The following ZNF254 variants were observed in gnomAD, a reference collection of about 807,000 sequenced individuals.
ZNF254 encodes zinc finger protein 254, also known as CTD-2017D11.1.
In ZNF254, 10 loss-of-function variants were observed where a neutral mutation model predicts 12.4. The ratio of observed to expected loss-of-function variants is 0.80; its 90% confidence interval spans 0.50 to 1.36. The LOEUF (loss-of-function observed/expected upper bound fraction) is 1.36, where lower values mean the gene tolerates loss of function less well. Ranked by LOEUF, ZNF254 falls within the 40% of genes most tolerant of loss-of-function variation. The probability of loss-of-function intolerance (pLI) is 0.00; values close to 1 mark genes in which losing one functional copy is unlikely to be tolerated. For missense variants in ZNF254, 996 were observed against 763.9 expected, an observed-to-expected ratio of 1.30 and a Z score of -3.58; for synonymous variants, 305 against 253.4, an observed-to-expected ratio of 1.20 and a Z score of -1.93.
In ZNF254 at chr19:24,034,488, G is replaced by GTTTTTTTTT. The variant is rs963358053; in HGVS notation, c.-190+881_-190+889dup. On this transcript the variant is annotated intron_variant, in intron 1 of 4. Transcript: ENST00000613065. The stretch of plus-strand genomic sequence containing the variant: ...GACAAATTTAGATTTAGGTAAGTGG[G>GTTTTTTTTT]TTTTTTTTTTTTTTTTTTTTTTCTT... Among the ~76,000 whole-genome samples the GTTTTTTTTT allele has an allele frequency of 7.5e-4, 80 of 107,352 alleles. 1 individual carries two copies. Among genetic ancestry groups the GTTTTTTTTT allele is most frequent in the African/African-American group, 1.1e-3 (30 of 28,274 alleles). 70.4% of individuals were successfully genotyped at this position (107,352 alleles called of 152,430 possible). A position where few individuals can be genotyped will look rare whatever the true frequency, so the allele number is the denominator to read the frequency against.
chr19:24,067,001 G>A (rs1971299976), intron 2 of ZNF254: 1 of 152,160 alleles, frequency 6.6e-6, no homozygotes, highest in African/African-American at 2.4e-5. Context: ...CCCCCAGGAA[G>A]AATTGTGACC....
At chr19:24,059,528 C>T (rs1418909665) in intron 2 of ZNF254, among the ~76,000 whole-genome samples, 1 of 152,136 alleles carries the variant, frequency 6.6e-6, no homozygotes, top group Non-Finnish European at 1.5e-5. Context: ...TGACTCTCCT[C>T]TACTGCTTGG....
Position 24,127,704 on chromosome 19 carries a change from TA to T in ZNF254, c.1705del (p.Thr569LeufsTer26). 2 of 1,613,172 alleles carry T rather than the reference TA, an allele frequency of 1.2e-6. No individual in the cohort carries two copies. The highest frequency in any genetic ancestry group is 2.2e-5 in the South Asian group (2 of 91,032). ...TCCTTACTAACCATAAGAGAATTCATACTGGAGAGAAACCCTATAAATGTGA... is the reference window on the plus strand; with the variant it reads ...TCCTTACTAACCATAAGAGAATTCATCTGGAGAGAAACCCTATAAATGTGA... ...SILTNHKRIH[T>X]GEKPYKCEEC... On this transcript the variant is annotated frameshift_variant, in exon 4 of 4. Transcript: ENST00000357002. LOFTEE classifies it low-confidence loss of function (END_TRUNC).
At chr19:24,111,679 T>C (rs1349348361) in intron 3 of ZNF254, among the ~76,000 whole-genome samples, 1 of 152,270 alleles carries the variant, frequency 6.6e-6, no homozygotes, top group African/African-American at 2.4e-5. Context: ...ATTGTGGTTT[T>C]GATTTGCATT....
chr19:24,100,824 C>T (rs1445601235), intron 1 of ZNF254, among the ~76,000 whole-genome samples: 6 of 143,814 alleles, frequency 4.2e-5, no homozygotes, highest in Non-Finnish European at 9.0e-5. Context: ...CATGTTGTGT[C>T]AGCTTTTTTT....
chr19:24,067,131 A>G (rs1462511762), intron 2 of ZNF254, among the ~76,000 whole-genome samples: 1 of 151,844 alleles, frequency 6.6e-6, no homozygotes, highest in East Asian at 1.9e-4. Flanking sequence ...GGACCTGCCC[A>G]TGTAAGACCT....
rs1333642028 is a variant in ZNF254, at chr19:24,039,909, C to T, written c.-189-6275C>T. On this transcript the variant is annotated intron_variant, in intron 1 of 4. Coordinates refer to the ZNF254 transcript ENST00000613065. ...CTGTTGCTTTTCCCTTGTTAAGAAT[C>T]GTTTCTAATATAGTTTTTCTAGAAA... Among the ~76,000 whole-genome samples, 7 of 152,108 alleles carry T rather than the reference C, an allele frequency of 4.6e-5. No homozygotes were observed. The South Asian group carries it at 6.2e-4, about 14-fold the overall frequency.
chr19:24,112,599 A>C (rs1232386140), intron 3 of ZNF254, among the ~76,000 whole-genome samples: 1 of 151,078 alleles, frequency 6.6e-6, no homozygotes, highest in East Asian at 2.0e-4. Flanking sequence ...ATGTTCTTCC[A>C]TTTGTTTGTA....
intron 1 of ZNF254, among the ~76,000 whole-genome samples, chr19:24,044,255 C>T (rs1032348287): frequency 2.2e-5 from 3 of 134,776 alleles, no homozygotes; most frequent in Non-Finnish European, 4.8e-5. Flanking sequence ...AAAAAAAATA[C>T]AGGCTGGGCG....
intron 2 of ZNF254, chr19:24,049,140 T>C (rs1970525055): frequency 6.9e-6 from 1 of 145,154 alleles, no homozygotes; most frequent in Non-Finnish European, 1.5e-5. Flanking sequence ...CTCCTTTTTT[T>C]TTAAGAAGAG....
At chr19:24,064,894 TCA>T (rs1418122774) in intron 2 of ZNF254, among the ~76,000 whole-genome samples, 3 of 152,302 alleles carry the variant, frequency 2.0e-5, no homozygotes, top group South Asian at 4.1e-4. Flanking sequence ...GTGTGGGCTC[TCA>T]CACAGAACTA....
upstream of ZNF254, among the ~76,000 whole-genome samples, chr19:24,084,723 G>T (rs983838656): frequency 1.3e-5 from 2 of 152,004 alleles, no homozygotes; most frequent in African/African-American, 4.8e-5. Context: ...GACCTCCTTG[G>T]TTCAGGCAAT....
rs1043350537 is a variant in ZNF254, at chr19:24,127,912, G to A, written c.1912G>A (p.Ala638Thr). 8.7e-6 allele frequency: 14 copies of A among 1,610,716 alleles called. No individual in the cohort carries two copies. In the African/African-American group the frequency reaches 1.3e-4, roughly 15 times the overall value. Residue 638 changes from alanine to threonine, a missense_variant, in exon 4 of 4, where the codon GCC becomes ACC. Coordinates refer to ENST00000357002, the MANE Select transcript of ZNF254 (RefSeq NM_203282.4). The stretch of plus-strand genomic sequence containing the variant: ...CTACAAATGGGAAAAATTTGGCAAA[G>A]CCTTTAATCGGTCCTCGCACCTCAC... Reference protein sequence around the residue: ...QPYKWEKFGKAFNRSSHLTTD... With the variant: ...QPYKWEKFGKTFNRSSHLTTD...
At chr19:24,076,790 TAC>T (rs1971675458) in intron 2 of ZNF254, among the ~76,000 whole-genome samples, 1 of 152,228 alleles carries the variant, frequency 6.6e-6, no homozygotes, top group African/African-American at 2.4e-5. Context: ...TTTAAATAGA[TAC>T]GCTTGATAAT....
intron 1 of ZNF254, among the ~76,000 whole-genome samples, chr19:24,037,704 G>A (rs1173915807): frequency 2.0e-5 from 3 of 152,166 alleles, no homozygotes; most frequent in African/African-American, 7.2e-5. Flanking sequence ...CCACCTCCCA[G>A]GTTCAAGCGA....
intron 1 of ZNF254, 110 bp downstream of exon 1, chr19:24,087,447 G>C: frequency 1.4e-6 from 2 of 1,414,072 alleles, no homozygotes; most frequent in Non-Finnish European, 2.0e-6. Context: ...CACAATCTGC[G>C]CCCAGCTCGA....
At chr19:24,055,461 T>C (rs1970815650) in intron 2 of ZNF254, among the ~76,000 whole-genome samples, 1 of 151,772 alleles carries the variant, frequency 6.6e-6, no homozygotes, top group Non-Finnish European at 1.5e-5. Context: ...GTACTTTTAG[T>C]AGAAACAGGG....
At chr19:24,115,970 G>C (rs572400677) in intron 3 of ZNF254, among the ~76,000 whole-genome samples, 2 of 152,110 alleles carry the variant, frequency 1.3e-5, no homozygotes, top group African/African-American at 4.8e-5. Context: ...AGTTTGGCTG[G>C]ATATGAAATT....
Position 24,041,552 on chromosome 19 carries a change from GGGGCA to G in ZNF254, c.-189-4627_-189-4623del, listed in dbSNP as rs1450317550. On this transcript the variant is annotated intron_variant, in intron 1 of 4. Transcript: ENST00000613065. ...CGCCGGGCCTTAGCTGCTTTCCTGC[GGGGCA>G]GGGCTCGGGACCTGCAGCCCGCCAT... Among the ~76,000 whole-genome samples, 6 of 152,358 alleles carry G rather than the reference GGGGCA, an allele frequency of 3.9e-5. No homozygotes were observed. The East Asian group carries it at 1.2e-3, about 29-fold the overall frequency.
Sources: allele counts gnomAD v4.1 joint callset (sites outside exome capture counted in the v4.1 genomes callset), GRCh38; gene constraint gnomAD v4.1.1; transcripts MANE v1.5; gene names NCBI Gene and HGNC (gene_info 2026-07-23, HGNC 2026-07-21).